Variants in SYNJ1 observed in about 807,000 individuals in gnomAD.
SYNJ1 encodes synaptojanin 1, also known as polyphosphatidylinositol phosphatase SYNJ1.
SYNJ1 carries 78 observed loss-of-function variants against 168.2 expected under a neutral mutation model. The observed-to-expected ratio is 0.46, with a 90% CI of 0.39 to 0.56. SYNJ1 has a LOEUF of 0.56. SYNJ1 is among the 20% of genes least tolerant of loss of function. The pLI is 0.00. For synonymous variants in SYNJ1, 539 were observed against 548.6 expected (o/e 0.98, Z 0.24); for missense variants, 1,303 against 1,597.6 (o/e 0.82, Z 3.14).
rs774568633 is a variant in SYNJ1, at chr21:32,639,754, A to G, written c.3614T>C (p.Ile1205Thr). The G allele has an allele frequency of 1.9e-6, 3 of 1,614,162 alleles. No individual in the cohort carries two copies. Among genetic ancestry groups the G allele is most frequent in the Admixed American group, 3.3e-5 (2 of 60,020 alleles). Residue 1205 changes from isoleucine (I) to threonine (T), a missense_variant, in exon 30 of 33, where the codon ATC (isoleucine) becomes ACC (threonine). Physicochemically the swap from Ile to Thr is moderately conservative, Grantham distance 89. Coordinates refer to ENST00000674351, the MANE Select transcript of SYNJ1 (RefSeq NM_203446.3). ...RPTIPPRAGV[I>T]SAPQSHARAS... ...CCGCGCGTGGCTCTGTGGGGCACTG[A>G]TAACTCCAGCACGAGGAGGAATCGT...
intron 6 of SYNJ1, among the ~76,000 whole-genome samples, chr21:32,690,157 A>G (rs1321966049): frequency 6.6e-6 from 1 of 152,222 alleles, no homozygotes; most frequent in Non-Finnish European, 1.5e-5. Flanking sequence ...ATATACATTC[A>G]GCTATGTATC....
intron 11 of SYNJ1, among the ~76,000 whole-genome samples, chr21:32,679,112 A>C: frequency 6.6e-6 from 1 of 152,224 alleles, no homozygotes; most frequent in East Asian, 1.9e-4. Context: ...ACTGAAGTGA[A>C]CTTATTTAAA....
intron 29 of SYNJ1, among the ~76,000 whole-genome samples, chr21:32,640,597 G>T (rs116796910): frequency 6.6e-6 from 1 of 152,084 alleles, no homozygotes. Flanking sequence ...ACCTGGTCAA[G>T]ATTTGTTTTT....
intron 27 of SYNJ1, among the ~76,000 whole-genome samples, chr21:32,642,601 G>T (rs1306899284): frequency 6.6e-6 from 1 of 152,218 alleles, no homozygotes; most frequent in Non-Finnish European, 1.5e-5. Flanking sequence ...CGCTGTAGAT[G>T]TCACTGTGGA....
chr21:32,705,522 C>G (rs755473519), intron 2 of SYNJ1, among the ~76,000 whole-genome samples: 1 of 152,074 alleles, frequency 6.6e-6, no homozygotes, highest in African/African-American at 2.4e-5. Context: ...GAAGGGGCTT[C>G]TACTGGTGAA....
intron 18 of SYNJ1, among the ~76,000 whole-genome samples, chr21:32,660,224 C>T (rs1468632998): frequency 6.6e-6 from 1 of 152,208 alleles, no homozygotes; most frequent in Non-Finnish European, 1.5e-5. Context: ...TGTCTAAGGG[C>T]CCTGGCAGCA....
At chr21:32,688,998 AT>A (rs1231726946) in intron 6 of SYNJ1, among the ~76,000 whole-genome samples, 2 of 152,232 alleles carry the variant, frequency 1.3e-5, no homozygotes, top group African/African-American at 4.8e-5. Context: ...GTATTTGCAC[AT>A]TTTGCAGAAT....
chr21:32,657,294 T>G (rs2040496788), intron 19 of SYNJ1, among the ~76,000 whole-genome samples, 174 bp from the exon 20 acceptor site: 1 of 152,356 alleles, frequency 6.6e-6, no homozygotes, highest in Non-Finnish European at 1.5e-5. Flanking sequence ...AAGGTTTTGG[T>G]AAAGTTATCA....
intron 14 of SYNJ1, 143 bp downstream of exon 14, chr21:32,673,197 T>C (rs2041271320): frequency 5.1e-6 from 3 of 582,972 alleles, no homozygotes; most frequent in Non-Finnish European, 7.9e-6. Context: ...GATGTGATCT[T>C]TAAAGATGTT....
At chr21:32,666,210 C>A in intron 16 of SYNJ1, 75 bp from the exon 17 acceptor site, 1 of 1,498,710 alleles carries the variant, frequency 6.7e-7, no homozygotes, top group Non-Finnish European at 9.0e-7. Context: ...GAGGAATATA[C>A]ATAATCATTT....
chr21:32,645,856 T>C, intron 24 of SYNJ1, 67 bp from the exon 25 acceptor site: 1 of 1,520,120 alleles, frequency 6.6e-7, no homozygotes, highest in East Asian at 2.5e-5. Flanking sequence ...GAACAGTCCT[T>C]CATATATATG....
chr21:32,639,099 T>G lies in SYNJ1; in HGVS notation c.3724A>C (p.Lys1242Gln). 5 of 1,613,524 alleles carry G rather than the reference T, an allele frequency of 3.1e-6. No individual in the cohort carries two copies. Among genetic ancestry groups the G allele is most frequent in the Non-Finnish European group, 3.4e-6 (4 of 1,179,598 alleles). Residue 1242 changes from lysine to glutamine, a missense_variant, in exon 31 of 33, where the codon AAG becomes CAG. Physicochemically the swap from Lys to Gln is moderately conservative, Grantham distance 53 (BLOSUM62 1). This residue lies in a region of SYNJ1 where 383 missense variants were observed against 388.8 expected (regional missense o/e 0.99). Transcript: ENST00000674351. ...KGSTFLPEPL[K>Q]PQAAFPPQSS... is the part of the protein sequence containing the mutation. ...TGCGGAGGAAAAGCAGCCTGAGGCT[T>G]CAGTGGTTCAGGAAGGAAAGTTGAA...
intron 2 of SYNJ1, among the ~76,000 whole-genome samples, chr21:32,726,456 T>C (rs1336727651): frequency 6.6e-6 from 1 of 152,200 alleles, no homozygotes; most frequent in African/African-American, 2.4e-5. Context: ...AGACACTGTA[T>C]GGGTTTATGT....
intron 21 of SYNJ1, among the ~76,000 whole-genome samples, chr21:32,654,610 A>G (rs562679311): frequency 2.6e-5 from 4 of 152,278 alleles, no homozygotes; most frequent in African/African-American, 7.2e-5. Context: ...GTTAGGGCTA[A>G]TATCTTTGTC....
chr21:32,714,474 G>A (rs978775264), intron 2 of SYNJ1, among the ~76,000 whole-genome samples: 8 of 152,188 alleles, frequency 5.3e-5, no homozygotes, highest in African/African-American at 1.9e-4. Flanking sequence ...GATTGAAACA[G>A]AGCCAGCTAA....
chr21:32,666,783 G>C (rs912075268), intron 15 of SYNJ1, among the ~76,000 whole-genome samples: 8 of 152,024 alleles, frequency 5.3e-5, no homozygotes, highest in African/African-American at 1.2e-4. Context: ...TCTTTACAAA[G>C]AAAATATAAA....
intron 2 of SYNJ1, among the ~76,000 whole-genome samples, chr21:32,711,668 T>C (rs1022449649): frequency 3.5e-4 from 54 of 152,216 alleles, no homozygotes; most frequent in African/African-American, 1.2e-3. Flanking sequence ...TAACTGGCAT[T>C]ATTCAGCATT....
At chr21:32,638,166 T>C (rs2039664521) in intron 31 of SYNJ1, among the ~76,000 whole-genome samples, 1 of 152,142 alleles carries the variant, frequency 6.6e-6, no homozygotes, top group Non-Finnish European at 1.5e-5. Context: ...TGTCCTGGGC[T>C]CAAGTAATCC....
chr21:32,695,509 TTAG>T (rs2042170405), intron 4 of SYNJ1, among the ~76,000 whole-genome samples: 1 of 152,164 alleles, frequency 6.6e-6, no homozygotes. Flanking sequence ...TTTTGTGTTT[TTAG>T]TATCTGTGGC....
Sources: allele counts gnomAD v4.1 joint callset (sites outside exome capture counted in the v4.1 genomes callset), GRCh38; gene constraint gnomAD v4.1.1; regional missense constraint gnomAD v4.1.1; transcripts MANE v1.5; gene names NCBI Gene and HGNC (gene_info 2026-07-23, HGNC 2026-07-21).